MYO9A: variants seen among roughly 807,000 people sequenced by gnomAD.
MYO9A encodes the protein unconventional myosin-IXa.
In MYO9A, 103 loss-of-function variants were observed where a neutral mutation model predicts 293.3. The ratio of observed to expected loss-of-function variants is 0.35; its 90% confidence interval spans 0.30 to 0.41. The LOEUF (loss-of-function observed/expected upper bound fraction) is 0.41. Among genes scored for constraint, MYO9A ranks in the 10% least tolerant of loss-of-function variants. MYO9A has a pLI of 1.00. For missense variants in MYO9A, 2,685 were observed against 3,033.0 expected (o/e 0.89, Z 2.69); for synonymous variants, 1,001 against 1,035.7 (o/e 0.97, Z 0.64).
intron 39 of MYO9A, among the ~76,000 whole-genome samples, chr15:71,845,823 TA>T (rs2055361052): frequency 6.6e-6 from 1 of 152,216 alleles, no homozygotes; most frequent in South Asian, 2.1e-4. Context: ...TGTCACATAC[TA>T]ATGGTTATCT....
chr15:72,059,465 C>G (rs2149954014), intron 1 of MYO9A, among the ~76,000 whole-genome samples: 1 of 152,330 alleles, frequency 6.6e-6, no homozygotes, highest in Non-Finnish European at 1.5e-5. Context: ...TCAGTTTCAG[C>G]TCTGGATTAC....
intron 18 of MYO9A, among the ~76,000 whole-genome samples, chr15:71,925,235 A>G (rs12050492): frequency 0.92 from 137,005 of 148,222 alleles, 63,601 homozygotes; most frequent in Non-Finnish European, 0.97. Context: ...ATATATACAC[A>G]TATATATACA....
chr15:71,956,327 AAAAATAT>A (rs1567314871), intron 14 of MYO9A, among the ~76,000 whole-genome samples: 1 of 78,574 alleles, frequency 1.3e-5, no homozygotes, highest in African/African-American at 4.3e-5. Flanking sequence ...AAAAAAAAAA[AAAAATAT>A]ATATATATAT....
chr15:71,880,598 T>A, intron 28 of MYO9A, 40 bp from the exon 29 acceptor site: 2 of 1,510,262 alleles, frequency 1.3e-6, no homozygotes, highest in Non-Finnish European at 1.8e-6. Flanking sequence ...ACACATTTAG[T>A]AAATATATTG....
At chr15:72,000,013 A>T (rs1385338005) in intron 8 of MYO9A, 73 bp from the exon 9 acceptor site, 1 of 1,226,120 alleles carries the variant, frequency 8.2e-7, no homozygotes, top group Non-Finnish European at 1.1e-6. Flanking sequence ...GAAAAAGCCA[A>T]ATAGAGGAGG....
intron 6 of MYO9A, among the ~76,000 whole-genome samples, chr15:72,013,703 T>C (rs1283909701): frequency 6.6e-6 from 1 of 152,264 alleles, no homozygotes; most frequent in Non-Finnish European, 1.5e-5. Context: ...AGTAGGCAAT[T>C]AGTGTGGGTG....
intron 11 of MYO9A, among the ~76,000 whole-genome samples, chr15:71,982,065 G>A (rs2076288575): frequency 7.9e-6 from 1 of 126,674 alleles, no homozygotes; most frequent in Non-Finnish European, 1.5e-5. Context: ...TGTCGCCCAG[G>A]CTGGAGTGCA....
Position 71,847,576 on chromosome 15 carries a change from T to C in MYO9A, c.6837+1269A>G, listed in dbSNP as rs1233192349. On this transcript the variant is annotated intron_variant, in intron 39 of 41. Transcript: ENST00000356056. Reference sequence around the variant, plus strand: ...TGCAATGGACTGAATATCCATCTTCTGCAGCACTGGAAAAAAGCGCAGCTT... The same window carrying C: ...TGCAATGGACTGAATATCCATCTTCCGCAGCACTGGAAAAAAGCGCAGCTT... 10 of 354,016 alleles carry C rather than the reference T, an allele frequency of 2.8e-5. No homozygotes were observed. In the East Asian group the frequency reaches 4.5e-4, roughly 16 times the overall value. 21.9% of individuals were successfully genotyped at this position (354,016 alleles called of 1,614,324 possible). A position where few individuals can be genotyped will look rare whatever the true frequency, so the allele number is the denominator to read the frequency against.
At chr15:71,956,405 G>A (rs1272607804) in intron 14 of MYO9A, among the ~76,000 whole-genome samples, 3 of 144,096 alleles carry the variant, frequency 2.1e-5, no homozygotes, top group Non-Finnish European at 3.0e-5. Flanking sequence ...TTGGGAGGCC[G>A]AGGCAGGTGG....
intron 18 of MYO9A, among the ~76,000 whole-genome samples, chr15:71,919,595 C>T (rs1024238377): frequency 4.6e-5 from 7 of 151,872 alleles, no homozygotes; most frequent in Non-Finnish European, 1.0e-4. Context: ...ACTGGCCAGG[C>T]GTGAGGAGGC....
intron 2 of MYO9A, chr15:72,041,448 T>TCTC (rs1386438582): frequency 5.9e-6 from 2 of 341,560 alleles, no homozygotes; most frequent in African/African-American, 4.4e-5. Flanking sequence ...ATCTTCTTCT[T>TCTC]CTTTTTTTCC....
In MYO9A at chr15:71,856,676, T is replaced by C. The variant is rs2055878543; in HGVS notation, c.6154-2107A>G. Among the ~76,000 whole-genome samples, 5 of 152,372 alleles carry C rather than the reference T, an allele frequency of 3.3e-5. No homozygotes were observed. In the South Asian group the frequency reaches 1.0e-3, roughly 32 times the overall value. ...TGCATCATTCATGCATGTATCTACA[T>C]GCTCTGCATTCCAGCTCTTAATCCT... On this transcript the variant is annotated intron_variant, in intron 34 of 41. Coordinates refer to ENST00000356056, the MANE Select transcript of MYO9A (RefSeq NM_006901.4).
At chr15:71,974,952 G>A (rs2076099350) in intron 12 of MYO9A, among the ~76,000 whole-genome samples, 1 of 152,158 alleles carries the variant, frequency 6.6e-6, no homozygotes, top group African/African-American at 2.4e-5. Flanking sequence ...AGGAATAAAT[G>A]GGTTATTCAT....
intron 32 of MYO9A, among the ~76,000 whole-genome samples, chr15:71,867,796 C>T (rs966634362): frequency 2.0e-5 from 2 of 100,310 alleles, no homozygotes; most frequent in African/African-American, 9.3e-5. Context: ...TCTGGGAATC[C>T]ATCACACACA....
chr15:71,917,199 CAATTA>C (rs562222710), intron 18 of MYO9A, among the ~76,000 whole-genome samples: 147 of 152,290 alleles, frequency 9.7e-4, no homozygotes, highest in Non-Finnish European at 1.7e-3. Context: ...ACAGAGACAA[CAATTA>C]AATACCAGGG....
chr15:72,043,680 A>G (rs375961731), intron 2 of MYO9A, among the ~76,000 whole-genome samples: 29 of 152,294 alleles, frequency 1.9e-4, no homozygotes, highest in African/African-American at 6.7e-4. Flanking sequence ...GGTTTCCCAT[A>G]TATGGGTGGG....
chr15:72,043,986 G>A (rs1380079244), intron 2 of MYO9A, among the ~76,000 whole-genome samples: 3 of 140,698 alleles, frequency 2.1e-5, no homozygotes, highest in African/African-American at 8.0e-5. Context: ...TATTTATGGT[G>A]TATAACATGA....
At chr15:72,110,611 TATG>T (rs1359703073) in intron 1 of MYO9A, among the ~76,000 whole-genome samples, 2 of 152,308 alleles carry the variant, frequency 1.3e-5, no homozygotes, top group South Asian at 2.1e-4. Flanking sequence ...CACATTTTGT[TATG>T]ATAACTCACA....
rs140202785 is a variant in MYO9A, at chr15:71,903,006, T to C, written c.2935A>G (p.Asn979Asp). 341 of 1,588,486 alleles carry C rather than the reference T, an allele frequency of 2.1e-4. No homozygotes were observed. In the Middle Eastern group the frequency reaches 3.5e-3, roughly 16 times the overall value. Reference sequence around the variant, plus strand: ...ATTTTCCTGAAGAAATCCTGAATGTTAAATTTGGATGGAATAATATTTCGG... The same window carrying C: ...ATTTTCCTGAAGAAATCCTGAATGTCAAATTTGGATGGAATAATATTTCGG... Reference protein sequence around the residue: ...LPRNIIPSKFNIQDFFRKINL... With the variant: ...LPRNIIPSKFDIQDFFRKINL... Residue 979 changes from asparagine (N) to aspartate (D), a missense_variant, in exon 22 of 42, where the codon AAC becomes GAC. Transcript: ENST00000356056.
Sources: gnomAD v4.1 joint callset for allele counts (sites outside exome capture counted in the v4.1 genomes callset) on GRCh38, gnomAD v4.1.1 for gene constraint, MANE v1.5 for transcripts, NCBI Gene and HGNC (gene_info 2026-07-23, HGNC 2026-07-21) for gene names.